RGS18: variants seen among roughly 807,000 people sequenced by gnomAD.
The protein encoded by RGS18 is regulator of G protein signaling 18.
Under a neutral mutation model 27.6 loss-of-function variants are expected in RGS18, and 22 were observed. The ratio of observed to expected loss-of-function variants is 0.80; its 90% CI spans 0.57 to 1.14. RGS18 has a LOEUF of 1.14. Ranked by LOEUF, RGS18 falls within the 50% of genes most tolerant of loss-of-function variation. The probability of loss-of-function intolerance (pLI) is 0.00; values close to 1 mark genes in which losing one functional copy is unlikely to be tolerated. For missense variants in RGS18, 299 were observed against 269.6 expected (o/e 1.11, Z -0.76); for synonymous variants, 89 against 84.6 (o/e 1.05, Z -0.29).
intron 3 of RGS18, among the ~76,000 whole-genome samples, chr1:192,164,135 T>C (rs1235664515): frequency 6.6e-6 from 1 of 152,100 alleles, no homozygotes; most frequent in Admixed American, 6.6e-5. Flanking sequence ...AGAACCATCA[T>C]AAACTGATTA....
chr1:192,177,246 G>A (rs1656373705), intron 3 of RGS18, among the ~76,000 whole-genome samples: 2 of 151,152 alleles, frequency 1.3e-5, no homozygotes, highest in African/African-American at 4.9e-5. Context: ...ATTCACAATA[G>A]GACACAATTT....
Position 192,159,298 on chromosome 1 carries a change from T to C in RGS18, c.198T>C (p.Ser66=), listed in dbSNP as rs777454921. Reference sequence around the variant, plus strand: ...ATGAAGACACCCGCTCCAGTAGATCTGGGCACTTGGCCAAAGAAACAAGGT... The same window carrying C: ...ATGAAGACACCCGCTCCAGTAGATCCGGGCACTTGGCCAAAGAAACAAGGT... ...EFHEDTRSSR[S]GHLAKETRVS... Residue 66 remains serine, a synonymous_variant, in exon 2 of 5, where the codon TCT becomes TCC. Transcript: ENST00000367460. 1.2e-6 allele frequency: 2 copies of C among 1,612,574 alleles called. No individual in the cohort carries two copies. Among genetic ancestry groups the C allele is most frequent in the Non-Finnish European group, 1.7e-6 (2 of 1,178,630 alleles).
Position 192,158,485 on chromosome 1 carries a change from G to A in RGS18, c.-153G>A, listed in dbSNP as rs978080397. 1.6e-6 allele frequency: 1 copy of A among 617,914 alleles called. No individual in the cohort carries two copies. Among genetic ancestry groups the A allele is most frequent in the African/African-American group, 1.9e-5 (1 of 51,580 alleles). 38.3% of individuals were successfully genotyped at this position (617,914 alleles called of 1,614,324 possible). On this transcript the variant is annotated 5_prime_UTR_variant, in exon 1 of 5. Coordinates refer to ENST00000367460, the MANE Select transcript of RGS18 (RefSeq NM_130782.3). ...TCAGTTCTGCATTTCTGCAGAGACA[G>A]AAAGAAACGCAGCTCTTGACTTCTT...
At chr1:192,158,879 G>C in intron 1 of RGS18, 123 bp downstream of exon 1, 1 of 711,066 alleles carries the variant, frequency 1.4e-6, no homozygotes, top group Middle Eastern at 2.8e-4. Context: ...GCTATAATTT[G>C]GGAAAAAAAA....
At chr1:192,165,525 G>A (rs562215328) in intron 3 of RGS18, among the ~76,000 whole-genome samples, 7 of 152,220 alleles carry the variant, frequency 4.6e-5, no homozygotes, top group Admixed American at 1.3e-4. Flanking sequence ...GGGGCATCAC[G>A]GAACCTGCCG....
chr1:192,183,198 A>G (rs746794101), intron 4 of RGS18, among the ~76,000 whole-genome samples: 3 of 151,606 alleles, frequency 2.0e-5, no homozygotes, highest in Non-Finnish European at 4.4e-5. Context: ...TGTTATGGAC[A>G]AGGGGAAAGA....
intron 4 of RGS18, among the ~76,000 whole-genome samples, chr1:192,184,036 G>A (rs115054021): frequency 1.0e-3 from 158 of 151,596 alleles, no homozygotes; most frequent in Middle Eastern, 6.8e-3. Flanking sequence ...ACTCACTATC[G>A]CAAGGACAGC....
intron 3 of RGS18, among the ~76,000 whole-genome samples, chr1:192,163,882 CT>C (rs1423526662): frequency 7.2e-5 from 10 of 138,838 alleles, no homozygotes; most frequent in Non-Finnish European, 1.4e-4. Context: ...TTTTTTTTTT[CT>C]TTTTTTTAAA....
chr1:192,160,237 A>T, intron 2 of RGS18, 141 bp from the exon 3 acceptor site: 1 of 434,738 alleles, frequency 2.3e-6, no homozygotes, highest in South Asian at 9.0e-5. Flanking sequence ...TTCTAATGTA[A>T]ATGCAATTTT....
At position 192,158,553 on chromosome 1, in the gene RGS18, T is replaced by C; in HGVS notation, c.-85T>C. On this transcript the variant is annotated 5_prime_UTR_variant, in exon 1 of 5. Transcript: ENST00000367460. ...TAAGAGTTGTGATAACTTTTTATTC[T>C]ACTATGTATATGTATGGAATAGTAT... The C allele has an allele frequency of 8.6e-7, 1 of 1,162,032 alleles. No homozygotes were observed. Among genetic ancestry groups the C allele is most frequent in the Admixed American group, 3.4e-5 (1 of 29,598 alleles). 72.0% of individuals were successfully genotyped at this position (1,162,032 alleles called of 1,614,324 possible).
intron 3 of RGS18, among the ~76,000 whole-genome samples, chr1:192,178,209 G>A (rs1656390426): frequency 6.6e-6 from 1 of 151,610 alleles, no homozygotes. Flanking sequence ...ATATCCCTGA[G>A]TGGATAGCGT....
chr1:192,167,324 C>T (rs912870042), intron 3 of RGS18, among the ~76,000 whole-genome samples: 8 of 152,022 alleles, frequency 5.3e-5, no homozygotes, highest in Non-Finnish European at 5.9e-5. Context: ...AGTTACAGTT[C>T]CTAATTTTTG....
chr1:192,158,690 A>G lies in RGS18; in HGVS notation c.53A>G (p.Glu18Gly), dbSNP rs900950912. Residue 18 changes from glutamate (E) to glycine (G), a missense_variant, in exon 1 of 5, where the codon GAA becomes GGA. Physicochemically the swap from Glu to Gly is moderately conservative, Grantham distance 98. Coordinates refer to ENST00000367460, the MANE Select transcript of RGS18 (RefSeq NM_130782.3). ...FSQINMCESK[E>G]KTFFKLIHGS... ...CAAATAAATATGTGTGAATCAAAAG[A>G]AAAAACTTTTTTCAAGTTAATACAT... 1.3e-6 allele frequency: 2 copies of G among 1,584,754 alleles called. No individual in the cohort carries two copies. Among genetic ancestry groups the G allele is most frequent in the Non-Finnish European group, 1.7e-6 (2 of 1,170,696 alleles).
chr1:192,167,108 G>T (rs1656175461), intron 3 of RGS18, among the ~76,000 whole-genome samples: 1 of 152,094 alleles, frequency 6.6e-6, no homozygotes, highest in Non-Finnish European at 1.5e-5. Context: ...GTGGTTCTAA[G>T]TAACTTCTGA....
At chr1:192,172,516 T>C (rs933665243) in intron 3 of RGS18, among the ~76,000 whole-genome samples, 20 of 151,954 alleles carry the variant, frequency 1.3e-4, no homozygotes, top group Non-Finnish European at 2.9e-5. Context: ...CTGTATAAAC[T>C]ACCCAGCCTC....
At chr1:192,173,654 G>C (rs1656308415) in intron 3 of RGS18, among the ~76,000 whole-genome samples, 1 of 151,710 alleles carries the variant, frequency 6.6e-6, no homozygotes, top group Admixed American at 6.6e-5. Flanking sequence ...ACTTCTTCAA[G>C]TGTCAGTTTG....
intron 3 of RGS18, among the ~76,000 whole-genome samples, chr1:192,172,633 G>A (rs1351323842): frequency 2.0e-5 from 3 of 151,752 alleles, no homozygotes; most frequent in Admixed American, 2.0e-4. Flanking sequence ...GCCAGCAGCA[G>A]AGTCAGGTCC....
intron 3 of RGS18, among the ~76,000 whole-genome samples, chr1:192,180,390 G>C (rs1656430505): frequency 6.6e-6 from 1 of 151,466 alleles, no homozygotes; most frequent in South Asian, 2.1e-4. Flanking sequence ...GAAAGAAAAG[G>C]TAATATGCTC....
chr1:192,184,705 A>G lies in RGS18; in HGVS notation c.*151A>G. ...TGTAAAAACAAAACTTTCTGCTAAC[A>G]AAATACATACAGTATCTGCCAGTAT... On this transcript the variant is annotated 3_prime_UTR_variant, in exon 5 of 5. Transcript: ENST00000367460. 1.5e-6 allele frequency: 1 copy of G among 683,178 alleles called. No homozygotes were observed. The highest frequency in any genetic ancestry group is 2.4e-6 in the Non-Finnish European group (1 of 409,374). 42.3% of individuals were successfully genotyped at this position (683,178 alleles called of 1,614,324 possible).
Sources: allele counts gnomAD v4.1 joint callset (sites outside exome capture counted in the v4.1 genomes callset), GRCh38; gene constraint gnomAD v4.1.1; transcripts MANE v1.5; gene names NCBI Gene and HGNC (gene_info 2026-07-23, HGNC 2026-07-21).